The following NBEA variants were observed in gnomAD, a reference collection of about 807,000 sequenced individuals.
NBEA encodes lysosomal-trafficking regulator 2.
NBEA carries 44 observed loss-of-function variants against 343.4 expected under a neutral mutation model. That is an observed-to-expected ratio of 0.13 (90% CI 0.10 to 0.16). The LOEUF (loss-of-function observed/expected upper bound fraction) is 0.16, where lower values mean the gene tolerates loss of function less well. Ranked by LOEUF, NBEA falls within the 10% of genes least tolerant of loss-of-function variation. The pLI is 1.00. For synonymous variants in NBEA, 1,175 were observed against 1,238.7 expected (o/e 0.95, Z 1.08); for missense variants, 2,555 against 3,631.3 (o/e 0.70, Z 7.62).
chr13:35,095,477 ATTTC>A (rs1246420137), intron 10 of NBEA, among the ~76,000 whole-genome samples: 1 of 151,664 alleles, frequency 6.6e-6, no homozygotes, highest in Non-Finnish European at 1.5e-5. Context: ...TTATTATACT[ATTTC>A]TTTCATTTTT....
chr13:35,665,224 A>T (rs759290990), intron 56 of NBEA, 38 bp downstream of exon 56: 18 of 1,489,892 alleles, frequency 1.2e-5, no homozygotes, highest in Non-Finnish European at 5.5e-6. Context: ...TGTCTAGAAG[A>T]TGACTGTTTT....
Position 35,146,461 on chromosome 13 carries a change from C to T in NBEA, c.2445+4084C>T, listed in dbSNP as rs560847419. On this transcript the variant is annotated intron_variant, in intron 18 of 58. Coordinates refer to ENST00000379939, the MANE Select transcript of NBEA (RefSeq NM_001385012.1). ...GTGAGGACCATGCTTTTGTGGGAGC[C>T]GCCAGGAACGTTGGGTCCCTTCAGT... 2.6e-5 allele frequency among the ~76,000 whole-genome samples: 4 copies of T among 152,226 alleles called. No homozygotes were observed. In the South Asian group the frequency reaches 8.3e-4, roughly 32 times the overall value.
intron 41 of NBEA, among the ~76,000 whole-genome samples, chr13:35,539,224 G>GTTA (rs1420391144): frequency 6.6e-6 from 1 of 152,174 alleles, no homozygotes; most frequent in Admixed American, 6.5e-5. Context: ...AGTTTGGTAA[G>GTTA]TATTATAAAA....
In NBEA at chr13:34,942,896, G is replaced by C; in HGVS notation, c.76G>C (p.Gly26Arg). 6.8e-7 allele frequency: 1 copy of C among 1,468,240 alleles called. No homozygotes were observed. Among genetic ancestry groups the C allele is most frequent in the Non-Finnish European group, 9.1e-7 (1 of 1,103,802 alleles). 91.0% of individuals were successfully genotyped at this position (1,468,240 alleles called of 1,614,324 possible). A position where few individuals can be genotyped will look rare whatever the true frequency, so the allele number is the denominator to read the frequency against. The change falls in exon 1 of 59, where the codon GGC becomes CGC. Residue 26 changes from glycine (G) to arginine (R), a missense_variant. Gly to Arg is a moderately radical substitution (Grantham distance 125, BLOSUM62 -2). Around this residue, in one of 21 missense-constraint regions of NBEA, gnomAD observed 122 missense variants for 91.0 expected, o/e 1.34. Transcript: ENST00000379939. The stretch of plus-strand genomic sequence containing the variant: ...GGGGCTCATTGCCGTCGGGGCCGCT[G>C]GCGGAGGCGGCGGGGGCAGCGGTGG... ...PVGLIAVGAA[G>R]GGGGGSGGGG... is the part of the protein sequence containing the mutation.
intron 47 of NBEA, among the ~76,000 whole-genome samples, chr13:35,596,630 T>C (rs1195112503): frequency 2.0e-5 from 3 of 152,126 alleles, no homozygotes; most frequent in Non-Finnish European, 4.4e-5. Context: ...ACTTTATTAT[T>C]ATTTTTTAAA....
intron 47 of NBEA, among the ~76,000 whole-genome samples, chr13:35,594,540 T>TA (rs1277622725): frequency 2.6e-5 from 4 of 151,872 alleles, no homozygotes; most frequent in Admixed American, 6.6e-5. Flanking sequence ...TTTACATTTG[T>TA]AAAAAAAATA....
At chr13:35,533,471 C>T (rs535400363) in intron 41 of NBEA, among the ~76,000 whole-genome samples, 1 of 152,092 alleles carries the variant, frequency 6.6e-6, no homozygotes, top group Admixed American at 6.5e-5. Context: ...TCCCTGCTCC[C>T]AACCTAAGTT....
intron 38 of NBEA, among the ~76,000 whole-genome samples, chr13:35,430,341 C>T (rs1003404624): frequency 1.3e-5 from 2 of 152,050 alleles, no homozygotes; most frequent in Non-Finnish European, 2.9e-5. Context: ...TGTCTGGATT[C>T]CTGTTGCCCA....
chr13:35,655,886 C>T, intron 55 of NBEA, 137 bp downstream of exon 55: 2 of 697,292 alleles, frequency 2.9e-6, no homozygotes, highest in Non-Finnish European at 4.8e-6. Context: ...AAAATCTGTA[C>T]TGGAACGTAG....
At chr13:35,613,261 CT>C (rs1336483457) in intron 48 of NBEA, among the ~76,000 whole-genome samples, 2 of 150,762 alleles carry the variant, frequency 1.3e-5, no homozygotes, top group East Asian at 1.9e-4. Flanking sequence ...ATGAGTTTGA[CT>C]TTTTTAGATT....
intron 45 of NBEA, among the ~76,000 whole-genome samples, chr13:35,576,441 A>G (rs2153033321): frequency 6.6e-6 from 1 of 152,210 alleles, no homozygotes; most frequent in South Asian, 2.1e-4. Flanking sequence ...ATATTTGGAA[A>G]TATTTGGTCA....
chr13:35,639,956 C>CAAAAA (rs1256138156), intron 49 of NBEA, among the ~76,000 whole-genome samples: 1 of 63,304 alleles, frequency 1.6e-5, no homozygotes, highest in Non-Finnish European at 3.6e-5. Flanking sequence ...TTACATTTAC[C>CAAAAA]AAAAAAAAAA....
chr13:35,583,772 C>A, intron 45 of NBEA, 126 bp from the exon 46 acceptor site: 4 of 676,518 alleles, frequency 5.9e-6, no homozygotes, highest in Admixed American at 3.1e-5. Context: ...AAATGTAATA[C>A]AAAATAATGT....
chr13:35,280,724 A>G (rs1219751697), intron 34 of NBEA, among the ~76,000 whole-genome samples: 1 of 151,866 alleles, frequency 6.6e-6, no homozygotes, highest in African/African-American at 2.4e-5. Context: ...ATAGAATCAA[A>G]TCTTTGGATG....
intron 36 of NBEA, among the ~76,000 whole-genome samples, chr13:35,327,126 G>A (rs918165571): frequency 2.0e-5 from 3 of 151,808 alleles, no homozygotes; most frequent in Non-Finnish European, 2.9e-5. Flanking sequence ...TAAAAAAGCA[G>A]CAGGTGCTGG....
chr13:35,067,184 A>G (rs1324319049), intron 8 of NBEA, among the ~76,000 whole-genome samples: 3 of 152,154 alleles, frequency 2.0e-5, no homozygotes, highest in Non-Finnish European at 4.4e-5. Flanking sequence ...GAAGAAAGAT[A>G]CAGTATATGT....
At chr13:35,137,471 AT>A (rs2067806803) in intron 17 of NBEA, among the ~76,000 whole-genome samples, 1 of 151,426 alleles carries the variant, frequency 6.6e-6, no homozygotes. Context: ...AAAGCCCTTC[AT>A]GTGGTAAAGA....
In NBEA at chr13:34,996,557, A is replaced by G. The variant is rs1171863290; in HGVS notation, c.295-44376A>G. Among the ~76,000 whole-genome samples the G allele has an allele frequency of 3.9e-5, 6 of 152,250 alleles. 1 individual carries two copies. The South Asian group carries it at 1.0e-3, about 26-fold the overall frequency. ...TTGGTTTTTAGAAGTGATTTATAGT[A>G]TATTTACTTTTACATCTATCTATTG... is the stretch of plus-strand genomic sequence containing the variant. On this transcript the variant is annotated intron_variant, in intron 1 of 58. Coordinates refer to ENST00000379939, the MANE Select transcript of NBEA (RefSeq NM_001385012.1).
chr13:35,605,772 AAGT>A lies in NBEA; in HGVS notation c.7297-652_7297-650del, dbSNP rs2082257209. Among the ~76,000 whole-genome samples the A allele has an allele frequency of 2.0e-5, 3 of 152,300 alleles. No individual in the cohort carries two copies. The South Asian group carries it at 6.2e-4, about 32-fold the overall frequency. On this transcript the variant is annotated intron_variant, in intron 47 of 58. Transcript: ENST00000379939. Reference sequence around the variant, plus strand: ...AGTTGTTTATGCTACAGTTACATACAAGTAACACAAGTTGTCTTTGCATCCAAT... The same window carrying A: ...AGTTGTTTATGCTACAGTTACATACAAACACAAGTTGTCTTTGCATCCAAT...
Sources: gnomAD v4.1 joint callset for allele counts (sites outside exome capture counted in the v4.1 genomes callset) on GRCh38, gnomAD v4.1.1 for gene constraint, gnomAD v4.1.1 regional missense constraint, MANE v1.5 for transcripts, NCBI Gene and HGNC (gene_info 2026-07-23, HGNC 2026-07-21) for gene names.